The following GRTP1 variants were observed in gnomAD, a reference collection of about 807,000 sequenced individuals.
GRTP1 encodes the protein growth hormone regulated TBC protein 1.
In GRTP1, 56 loss-of-function variants were observed where a neutral mutation model predicts 38.1. The ratio of observed to expected loss-of-function variants is 1.47; its 90% CI spans 1.19 to 1.84. GRTP1 has a LOEUF of 1.84. GRTP1 is among the 40% of genes most tolerant of loss of function. GRTP1 has a pLI of 0.00. For synonymous variants in GRTP1, 217 were observed against 189.5 expected (o/e 1.14, Z -1.19); for missense variants, 506 against 453.9 (o/e 1.11, Z -1.04).
chr13:113,355,260 G>C (rs1346164998), intron 3 of GRTP1, 63 bp downstream of exon 3: 4 of 1,562,970 alleles, frequency 2.6e-6, no homozygotes, highest in Non-Finnish European at 3.5e-6. Context: ...CTAGACACTG[G>C]GTGGAAACCG....
At chr13:113,361,660 C>T (rs568572303) in intron 2 of GRTP1, 1 of 152,312 alleles carries the variant, frequency 6.6e-6, no homozygotes, top group South Asian at 2.1e-4. Flanking sequence ...ACTTCTGCTC[C>T]TGAGGGGGAC....
At chr13:113,357,619 A>G (rs377154927) in intron 2 of GRTP1, among the ~76,000 whole-genome samples, 1 of 152,160 alleles carries the variant, frequency 6.6e-6, no homozygotes. Flanking sequence ...TCTACCAAAG[A>G]CACCAATAAT....
chr13:113,356,935 G>A (rs948037299), intron 2 of GRTP1, among the ~76,000 whole-genome samples: 6 of 152,166 alleles, frequency 3.9e-5, no homozygotes, highest in Non-Finnish European at 5.9e-5. Context: ...CACTAAATAC[G>A]TGACGAATTA....
intron 2 of GRTP1, 143 bp from the exon 3 acceptor site, chr13:113,355,624 A>G: frequency 1.0e-6 from 1 of 952,676 alleles, no homozygotes; most frequent in Non-Finnish European, 1.5e-6. Context: ...ATCTCCACCA[A>G]AACTGGTACA....
At chr13:113,336,979 A>G (rs1168626674) in intron 5 of GRTP1, among the ~76,000 whole-genome samples, 4 of 152,212 alleles carry the variant, frequency 2.6e-5, no homozygotes, top group African/African-American at 9.7e-5. Context: ...TAAAAAGCTA[A>G]CAGACCTGTT....
chr13:113,346,020 G>GAA (rs1167870676), intron 4 of GRTP1, among the ~76,000 whole-genome samples: 13 of 92,304 alleles, frequency 1.4e-4, no homozygotes, highest in African/African-American at 4.8e-4. Flanking sequence ...CTGCGGCTGA[G>GAA]CAGACCTGGG....
At chr13:113,360,100 T>C (rs946499696) in intron 2 of GRTP1, 9 of 152,168 alleles carry the variant, frequency 5.9e-5, no homozygotes, top group African/African-American at 1.9e-4. Context: ...TAGGTGGTGT[T>C]AATATTCTAA....
chr13:113,358,831 C>A (rs532633602), intron 2 of GRTP1, among the ~76,000 whole-genome samples: 4 of 152,216 alleles, frequency 2.6e-5, no homozygotes, highest in Non-Finnish European at 4.4e-5. Context: ...GCAAAATTTA[C>A]AGCCACATTG....
chr13:113,334,624 C>T (rs1173902153), intron 5 of GRTP1, among the ~76,000 whole-genome samples: 1 of 152,020 alleles, frequency 6.6e-6, no homozygotes, highest in East Asian at 1.9e-4. Context: ...AAAAAAAGCA[C>T]GTAATCCTTC....
chr13:113,349,272 T>C lies in GRTP1; in HGVS notation c.465+1577A>G, dbSNP rs556099509. ...GGTGCCAACATGGCTCACTGCAGGC[T>C]TGACCTCCCAGACCCAAACGACCCT... On this transcript the variant is annotated intron_variant, in intron 4 of 7. Coordinates refer to ENST00000375431, the MANE Select transcript of GRTP1 (RefSeq NM_024719.4). This position sits in a 1 kb window ranked among gnomAD's most constrained non-coding sequence, Gnocchi z 5.0. Among the ~76,000 whole-genome samples, 2 of 152,116 alleles carry C rather than the reference T, an allele frequency of 1.3e-5. No individual in the cohort carries two copies. Among genetic ancestry groups the C allele is most frequent in the African/African-American group, 2.4e-5 (1 of 41,492 alleles).
chr13:113,355,896 G>A (rs916086743), intron 2 of GRTP1, among the ~76,000 whole-genome samples: 1 of 152,256 alleles, frequency 6.6e-6, no homozygotes, highest in Non-Finnish European at 1.5e-5. Context: ...CCACAGCTGG[G>A]AGAACACGGT....
intron 5 of GRTP1, among the ~76,000 whole-genome samples, chr13:113,340,154 A>G (rs2043006547): frequency 6.6e-6 from 1 of 151,138 alleles, no homozygotes; most frequent in Non-Finnish European, 1.5e-5. Flanking sequence ...GACCGCAGGC[A>G]TGCACCACCC....
intron 3 of GRTP1, 133 bp from the exon 4 acceptor site, chr13:113,351,106 A>G (rs2139497986): frequency 8.9e-7 from 1 of 1,127,808 alleles, no homozygotes; most frequent in Non-Finnish European, 1.3e-6. Flanking sequence ...GCCGCACAGC[A>G]GACTCAACAC....
intron 3 of GRTP1, among the ~76,000 whole-genome samples, chr13:113,352,362 A>ATATATATATATATTTATATATATTT (rs71101572): frequency 0.31 from 24,829 of 78,946 alleles, 5,390 homozygotes; most frequent in Middle Eastern, 0.46. Context: ...TATATATTTT[A>ATATATATATATATTTATATATATTT]TATATATATA....
chr13:113,362,578 G>A (rs923843740), intron 2 of GRTP1, among the ~76,000 whole-genome samples: 2 of 152,148 alleles, frequency 1.3e-5, no homozygotes, highest in African/African-American at 2.4e-5. Flanking sequence ...CAAGGCTACA[G>A]TGAGTGGTGA....
chr13:113,326,640 C>T (rs906450283), intron 5 of GRTP1, among the ~76,000 whole-genome samples: 2 of 152,108 alleles, frequency 1.3e-5, no homozygotes, highest in Non-Finnish European at 1.5e-5. Context: ...CACTGCACTC[C>T]AGTCTGGGCC....
intron 3 of GRTP1, among the ~76,000 whole-genome samples, chr13:113,352,388 A>T (rs1287605258): frequency 3.2e-3 from 121 of 37,380 alleles, no homozygotes; most frequent in Middle Eastern, 0.042. Context: ...TTATATATAT[A>T]TTTAACACAG....
chr13:113,335,612 T>C (rs10467696), intron 5 of GRTP1, among the ~76,000 whole-genome samples: 2,161 of 152,138 alleles, frequency 0.014, 58 homozygotes, highest in African/African-American at 0.049. Context: ...TTAACGAGCC[T>C]CTCTATCCCC....
intron 5 of GRTP1, among the ~76,000 whole-genome samples, chr13:113,336,321 A>G (rs573180209): frequency 2.9e-4 from 42 of 146,318 alleles, no homozygotes; most frequent in South Asian, 8.8e-4. Context: ...TTTTTAAGGC[A>G]AAATAGGTAC....
Sources: allele counts gnomAD v4.1 joint callset (sites outside exome capture counted in the v4.1 genomes callset), GRCh38; gene constraint gnomAD v4.1.1; non-coding constraint Gnocchi (gnomAD v3.1); transcripts MANE v1.5; gene names NCBI Gene and HGNC (gene_info 2026-07-23, HGNC 2026-07-21).